RPTOR: variants seen among roughly 807,000 people sequenced by gnomAD.
The protein encoded by RPTOR is regulatory associated protein of MTOR complex 1.
RPTOR carries 21 observed loss-of-function variants against 169.9 expected under a neutral mutation model. The ratio of observed to expected loss-of-function variants is 0.12; its 90% CI spans 0.09 to 0.18. RPTOR has a LOEUF of 0.18. Among genes scored for constraint, RPTOR ranks in the 10% least tolerant of loss-of-function variants. The pLI, the probability that RPTOR is intolerant of heterozygous loss-of-function variation, is 1.00. For synonymous variants in RPTOR, 732 were observed against 753.2 expected (o/e 0.97, Z 0.46); for missense variants, 1,133 against 1,855.9 (o/e 0.61, Z 7.16).
intron 8 of RPTOR, among the ~76,000 whole-genome samples, chr17:80,822,688 C>T (rs372806327): frequency 1.3e-5 from 2 of 152,082 alleles, no homozygotes; most frequent in African/African-American, 2.4e-5. Context: ...TTCACATGTA[C>T]GTATATGTGC....
intron 33 of RPTOR, 54 bp from the exon 34 acceptor site, chr17:80,964,208 C>CCCCCCGGG: frequency 7.6e-7 from 1 of 1,314,446 alleles, no homozygotes; most frequent in Non-Finnish European, 1.1e-6. Flanking sequence ...CCCCCGCCCC[C>CCCCCCGGG]CGCAGTGTCT....
At chr17:80,800,457 A>G (rs2067145911) in intron 7 of RPTOR, among the ~76,000 whole-genome samples, 1 of 152,202 alleles carries the variant, frequency 6.6e-6, no homozygotes, top group South Asian at 2.1e-4. Context: ...AAGACTGGAG[A>G]GAAGATCGGG....
intron 3 of RPTOR, among the ~76,000 whole-genome samples, chr17:80,684,309 A>G (rs1257453056): frequency 4.6e-5 from 7 of 151,496 alleles, no homozygotes; most frequent in Non-Finnish European, 8.8e-5. Flanking sequence ...AGCTAGAGTC[A>G]TGTCATCTCC....
In RPTOR at chr17:80,823,448, C is replaced by T. The variant is rs1017008563; in HGVS notation, c.1136+225C>T. ...CCTTGGAGGGCCTTTTAGGACTGCA[C>T]GGGAGCAGCGGCCGGCTGAAGCCTC... On this transcript the variant is annotated intron_variant, in intron 9 of 33. Coordinates refer to ENST00000306801, the MANE Select transcript of RPTOR (RefSeq NM_020761.3). This position sits in a 1 kb window ranked among gnomAD's most constrained non-coding sequence, Gnocchi z 4.5. 19 of 471,306 alleles carry T rather than the reference C, an allele frequency of 4.0e-5. No homozygotes were observed. The highest frequency in any genetic ancestry group is 1.7e-4 in the East Asian group (5 of 28,960). The allele number at this position is 471,306 out of a possible 1,614,324, so 29.2% of individuals were successfully genotyped here. A position where few individuals can be genotyped will look rare whatever the true frequency, so the allele number is the denominator to read the frequency against.
chr17:80,958,273 G>A (rs2069282432), intron 29 of RPTOR, among the ~76,000 whole-genome samples: 2 of 142,342 alleles, frequency 1.4e-5, no homozygotes, highest in Non-Finnish European at 3.0e-5. Flanking sequence ...TTAACTTTTT[G>A]TAGAAACAGG....
At chr17:80,560,996 A>G (rs1386996714) in intron 1 of RPTOR, among the ~76,000 whole-genome samples, 1 of 152,196 alleles carries the variant, frequency 6.6e-6, no homozygotes, top group Non-Finnish European at 1.5e-5. Context: ...ATAAGGCCAC[A>G]GGAATTTGGA....
intron 6 of RPTOR, among the ~76,000 whole-genome samples, chr17:80,784,690 G>A (rs1255532617): frequency 7.0e-6 from 1 of 142,340 alleles, no homozygotes; most frequent in Non-Finnish European, 1.5e-5. Flanking sequence ...ACTGTGCCCG[G>A]CCTATTTTAC....
chr17:80,700,466 G>GTAGAGATGA (rs1271410971), intron 3 of RPTOR, among the ~76,000 whole-genome samples: 1 of 131,812 alleles, frequency 7.6e-6, no homozygotes. Context: ...GGTGGTGGTG[G>GTAGAGATGA]TGGTGGTGGT....
At chr17:80,829,706 G>A (rs760979581) in intron 9 of RPTOR, among the ~76,000 whole-genome samples, 2 of 152,228 alleles carry the variant, frequency 1.3e-5, no homozygotes, top group Non-Finnish European at 2.9e-5. Context: ...CCGAGTCTCA[G>A]GATGCTTCCC....
intron 5 of RPTOR, among the ~76,000 whole-genome samples, chr17:80,749,620 C>T (rs138313221): frequency 4.8e-4 from 73 of 152,022 alleles, no homozygotes; most frequent in African/African-American, 1.7e-3. Flanking sequence ...GAGGCTGTGG[C>T]GGGAGAGCCT....
intron 20 of RPTOR, among the ~76,000 whole-genome samples, chr17:80,905,009 C>T (rs1015368600): frequency 1.9e-4 from 29 of 151,890 alleles, no homozygotes; most frequent in African/African-American, 5.8e-4. Context: ...CGTTGGCCCT[C>T]GGTACGCGTG....
At chr17:80,687,434 G>A (rs1265619194) in intron 3 of RPTOR, among the ~76,000 whole-genome samples, 1 of 152,160 alleles carries the variant, frequency 6.6e-6, no homozygotes, top group Non-Finnish European at 1.5e-5. Context: ...TTCTTCCTCC[G>A]GTGCTCTTAG....
intron 3 of RPTOR, among the ~76,000 whole-genome samples, chr17:80,694,815 G>A (rs1421778904): frequency 6.6e-6 from 1 of 152,210 alleles, no homozygotes; most frequent in East Asian, 1.9e-4. Context: ...ACTGCCTCTT[G>A]AAGACAGCCT....
intron 20 of RPTOR, among the ~76,000 whole-genome samples, chr17:80,908,346 G>A (rs1389326318): frequency 1.3e-5 from 2 of 152,204 alleles, no homozygotes; most frequent in African/African-American, 4.8e-5. Context: ...AGGTGGACAG[G>A]AAGCACGTGG....
rs774124294 is a variant in RPTOR at position 80,922,749 on chromosome 17, G to A, written c.2546G>A (p.Arg849His). 2.2e-5 allele frequency: 35 copies of A among 1,588,660 alleles called. No individual in the cohort carries two copies. The highest frequency in any genetic ancestry group is 3.4e-5 in the Admixed American group (2 of 58,068). Residue 849 changes from arginine (R) to histidine (H), a missense_variant, in exon 22 of 34, where the codon CGC becomes CAC. Physicochemically the swap from Arg to His is conservative, Grantham distance 29. Transcript: ENST00000306801. Reference protein sequence around the residue: ...YKATVNARPQRVLDTSSLTQS... With the variant: ...YKATVNARPQHVLDTSSLTQS... ...GCCACCGTGAACGCCCGGCCGCAGC[G>A]CGTCCTGGACACCTCCTCCCTCACG...
chr17:80,748,166 G>A (rs1341994889), intron 5 of RPTOR, among the ~76,000 whole-genome samples: 1 of 127,874 alleles, frequency 7.8e-6, no homozygotes, highest in Admixed American at 7.1e-5. Flanking sequence ...GTGAGGACCT[G>A]TTGGGTGGAT....
At position 80,754,007 on chromosome 17, in the gene RPTOR, C is replaced by T. The variant is rs773288638; in HGVS notation, c.655-3C>T. The T allele has an allele frequency of 1.9e-6, 3 of 1,611,722 alleles. 1 individual carries two copies. The South Asian group carries it at 3.3e-5, about 18-fold the overall frequency. On this transcript the variant is annotated splice_region_variant and splice_polypyrimidine_tract_variant and intron_variant, in intron 5 of 33. Coordinates refer to ENST00000306801, the MANE Select transcript of RPTOR (RefSeq NM_020761.3). The surrounding 1 kb of genome is among the most constrained non-coding windows in gnomAD (Gnocchi z 4.2). ...CTCTTTTCCCGAATGTTCTGCCCTT[C>T]AGGTAGCTGCAATCAACCCAAATCA...
In RPTOR at chr17:80,960,001, G is replaced by A. The variant is rs986463580; in HGVS notation, c.3478-77G>A. On this transcript the variant is annotated intron_variant, in intron 29 of 33. Transcript: ENST00000306801. The surrounding 1 kb of genome is among the most constrained non-coding windows in gnomAD (Gnocchi z 4.8). ...CCACAGCCAGGCAGGCAGCAAGAGG[G>A]GTCCTGGCGCTGCAGGACAGCAGGG... 4 of 1,558,462 alleles carry A rather than the reference G, an allele frequency of 2.6e-6. No individual in the cohort carries two copies. In the African/African-American group the frequency reaches 5.4e-5, roughly 21 times the overall value.
chr17:80,564,624 G>A (rs567708348), intron 1 of RPTOR, among the ~76,000 whole-genome samples: 2 of 146,062 alleles, frequency 1.4e-5, no homozygotes, highest in African/African-American at 2.6e-5. Context: ...TTTTTTTTCC[G>A]GATGTGCAGG....
Sources: gnomAD v4.1 joint callset for allele counts (sites outside exome capture counted in the v4.1 genomes callset) on GRCh38, gnomAD v4.1.1 for gene constraint, Gnocchi (gnomAD v3.1) non-coding constraint, MANE v1.5 for transcripts, NCBI Gene and HGNC (gene_info 2026-07-23, HGNC 2026-07-21) for gene names.